Variants in GSE1 observed in about 807,000 individuals in gnomAD.
GSE1 encodes the protein genetic suppressor element 1.
Under a neutral mutation model 112.6 loss-of-function variants are expected in GSE1, and 32 were observed. The ratio of observed to expected loss-of-function variants is 0.28; its 90% CI spans 0.21 to 0.38. The LOEUF is 0.38. Among genes scored for constraint, GSE1 ranks in the 10% least tolerant of loss-of-function variants. GSE1 has a pLI of 1.00. For missense variants in GSE1, 2,348 were observed against 1,699.2 expected (o/e 1.38, Z -6.71); for synonymous variants, 1,115 against 735.6 (o/e 1.52, Z -8.35).
intron 1 of GSE1, among the ~76,000 whole-genome samples, chr16:85,302,024 C>T (rs1189774841): frequency 6.6e-6 from 1 of 152,224 alleles, no homozygotes; most frequent in Non-Finnish European, 1.5e-5. Flanking sequence ...CCAGGCAGGG[C>T]TGTTTCCAAA....
chr16:85,265,848 G>A (rs1597232382), intron 1 of GSE1, among the ~76,000 whole-genome samples: 1 of 152,152 alleles, frequency 6.6e-6, no homozygotes, highest in Non-Finnish European at 1.5e-5. Flanking sequence ...CCAGGGCCAG[G>A]GCAGGTGAGG....
At chr16:85,491,710 T>C (rs2051016323) in intron 2 of GSE1, among the ~76,000 whole-genome samples, 1 of 151,578 alleles carries the variant, frequency 6.6e-6, no homozygotes, top group Non-Finnish European at 1.5e-5. Context: ...AAGGGGCAGC[T>C]GGTACCCCGA....
chr16:85,662,786 G>A (rs1314845455), intron 9 of GSE1, 195 bp from the exon 10 acceptor site: 3 of 555,908 alleles, frequency 5.4e-6, no homozygotes, highest in Admixed American at 3.3e-5. Flanking sequence ...GAAGCCTGGT[G>A]TCTGCGGTCC....
At chr16:85,453,708 TG>T (rs2049746954) in intron 2 of GSE1, among the ~76,000 whole-genome samples, 3 of 152,174 alleles carry the variant, frequency 2.0e-5, no homozygotes, top group Non-Finnish European at 4.4e-5. Flanking sequence ...GCCTTTCCTG[TG>T]GGGGGATCCT....
rs2074335137 is a variant in GSE1, at chr16:85,170,136, G to C, written c.612G>C (p.Gly204=). Reference sequence around the variant, plus strand: ...ACCAGGACGGGGCCCCAGGGCCAGGGCCTCGCGGGGGGCGCGGCCAGGAGT... The same window carrying C: ...ACCAGGACGGGGCCCCAGGGCCAGGCCCTCGCGGGGGGCGCGGCCAGGAGT... The change falls in exon 1 of 3, where the codon GGG becomes GGC. Residue 204 remains glycine (G), a synonymous_variant. Coordinates refer to the GSE1 transcript ENST00000637419. 4 of 985,364 alleles carry C rather than the reference G, an allele frequency of 4.1e-6. No individual in the cohort carries two copies. In the South Asian group the frequency reaches 1.4e-4, roughly 35 times the overall value. 61.0% of individuals were successfully genotyped at this position (985,364 alleles called of 1,614,324 possible). A position where few individuals can be genotyped will look rare whatever the true frequency, so the allele number is the denominator to read the frequency against.
chr16:85,343,391 G>A lies in GSE1; in HGVS notation c.2284-14072G>A, dbSNP rs531310282. 5.9e-5 allele frequency among the ~76,000 whole-genome samples: 9 copies of A among 152,288 alleles called. No homozygotes were observed. In the East Asian group the frequency reaches 1.7e-3, roughly 30 times the overall value. On this transcript the variant is annotated intron_variant, in intron 1 of 2. Transcript: ENST00000637419. ...GCAAGGGGTTGCCCTTGGAGGCTGG[G>A]TGAAGGGTGTCGGGGATGGCTCCAT...
chr16:85,409,110 G>C (rs538149454), intron 2 of GSE1, among the ~76,000 whole-genome samples: 100 of 600 alleles, frequency 0.17, 48 homozygotes, highest in African/African-American at 0.62. Context: ...ACACTCAGGG[G>C]CCCCCTGGAT....
chr16:85,456,163 T>C (rs977741558), intron 2 of GSE1, among the ~76,000 whole-genome samples: 5 of 152,000 alleles, frequency 3.3e-5, no homozygotes, highest in African/African-American at 1.2e-4. Flanking sequence ...CACCGAGGGG[T>C]AGGACAGTAT....
chr16:85,665,863 C>G (rs924415267), intron 12 of GSE1, 113 bp from the exon 13 acceptor site: 1 of 1,008,936 alleles, frequency 9.9e-7, no homozygotes. Context: ...GGTCTTGGTT[C>G]TTTGCGCTAG....
chr16:85,242,513 T>G (rs1905246368), intron 1 of GSE1, among the ~76,000 whole-genome samples: 1 of 152,186 alleles, frequency 6.6e-6, no homozygotes, highest in South Asian at 2.1e-4. Context: ...TCTTCTAAAC[T>G]CATAGCAGCA....
rs1225801343 is a variant in GSE1, at chr16:85,654,801, C to A, written c.607C>A (p.Arg203=). The change falls in exon 5 of 16, where the codon CGG becomes AGG. Residue 203 remains arginine, a synonymous_variant. Transcript: ENST00000253458. ...CACTATCCCCGCCTGCAGCCTCCAG[C>A]GGCCCGTGCACCACGTGGTGCCCCC... The part of the protein sequence containing the change: ...DSRFPPLNLQ[R]PVHHVVPPST... 8.7e-6 allele frequency: 14 copies of A among 1,608,794 alleles called. No individual in the cohort carries two copies. Among genetic ancestry groups the A allele is most frequent in the Non-Finnish European group, 1.1e-5 (13 of 1,177,264 alleles).
intron 2 of GSE1, among the ~76,000 whole-genome samples, chr16:85,455,132 A>G (rs552529341): frequency 6.6e-6 from 1 of 152,308 alleles, no homozygotes; most frequent in South Asian, 2.1e-4. Context: ...GGCTGCAATA[A>G]ACACCTGCAG....
intron 1 of GSE1, among the ~76,000 whole-genome samples, chr16:85,200,973 A>C (rs928299417): frequency 6.6e-6 from 1 of 152,208 alleles, no homozygotes; most frequent in East Asian, 1.9e-4. Flanking sequence ...GGCAGGCTCC[A>C]AGCCTGGAGC....
chr16:85,516,586 CA>C (rs35709045), intron 2 of GSE1, among the ~76,000 whole-genome samples: 4,973 of 80,444 alleles, frequency 0.062, 193 homozygotes, highest in African/African-American at 0.18. Flanking sequence ...GACCCTGTCT[CA>C]AAAAAAAAAA....
At chr16:85,566,593 TAGTG>T (rs2045758077) in intron 1 of GSE1, among the ~76,000 whole-genome samples, 1 of 152,162 alleles carries the variant, frequency 6.6e-6, no homozygotes, top group Non-Finnish European at 1.5e-5. Context: ...GTGTCACCCT[TAGTG>T]AGTGACAGGC....
At chr16:85,182,460 G>A (rs916461975) in intron 1 of GSE1, among the ~76,000 whole-genome samples, 1 of 152,210 alleles carries the variant, frequency 6.6e-6, no homozygotes, top group Non-Finnish European at 1.5e-5. Flanking sequence ...CTGCAGGGGG[G>A]ATCGCTGCTT....
Position 85,648,762 on chromosome 16 carries a change from CG to C in GSE1, c.426+15del. ...AGTGAGAGCCGGCAGGTGAGTGGGGCGGGGCAGGGAGCCTAGCGTCCTCTAA... is the reference window on the plus strand; with the variant it reads ...AGTGAGAGCCGGCAGGTGAGTGGGGCGGGCAGGGAGCCTAGCGTCCTCTAA... On this transcript the variant is annotated intron_variant, in intron 3 of 15. Coordinates refer to ENST00000253458, the MANE Select transcript of GSE1 (RefSeq NM_014615.5). The C allele has an allele frequency of 6.5e-7, 1 of 1,541,358 alleles. No homozygotes were observed.
chr16:85,281,345 A>G (rs2930237), intron 1 of GSE1, among the ~76,000 whole-genome samples: 127,511 of 151,684 alleles, frequency 0.84, 54,189 homozygotes, highest in Non-Finnish European at 0.91. Flanking sequence ...CACCCTCCAA[A>G]CCCCGGCCAC....
At chr16:85,178,563 G>A (rs1180391429) in intron 1 of GSE1, among the ~76,000 whole-genome samples, 5 of 152,122 alleles carry the variant, frequency 3.3e-5, no homozygotes, top group Admixed American at 3.3e-4. Context: ...AGATTCAAGT[G>A]CAAGGGTGAG....
Sources: gnomAD v4.1 joint callset for allele counts (sites outside exome capture counted in the v4.1 genomes callset) on GRCh38, gnomAD v4.1.1 for gene constraint, MANE v1.5 for transcripts, NCBI Gene and HGNC (gene_info 2026-07-23, HGNC 2026-07-21) for gene names.